The following DCAF1 variants were observed in gnomAD, a reference collection of about 807,000 sequenced individuals.
DCAF1 encodes DDB1- and CUL4-associated factor 1.
DCAF1 carries 15 observed loss-of-function variants against 128.0 expected under a neutral mutation model. The ratio of observed to expected loss-of-function variants is 0.12; its 90% CI spans 0.08 to 0.18. The LOEUF is 0.18. Among genes scored for constraint, DCAF1 ranks in the 10% least tolerant of loss-of-function variants. The pLI, the probability that DCAF1 is intolerant of heterozygous loss-of-function variation, is 1.00. For synonymous variants in DCAF1, 610 were observed against 603.0 expected (o/e 1.01, Z -0.17); for missense variants, 988 against 1,649.5 (o/e 0.60, Z 6.95).
chr3:51,414,279 T>C (rs1274682709), intron 19 of DCAF1, among the ~76,000 whole-genome samples: 4 of 152,244 alleles, frequency 2.6e-5, no homozygotes, highest in East Asian at 1.9e-4. Flanking sequence ...CTCCCAACAG[T>C]AGTACTTCAT....
rs947334516 is a variant in DCAF1 at position 51,452,494 on chromosome 3, C to A, written c.376-8591G>T. 2.0e-4 allele frequency among the ~76,000 whole-genome samples: 30 copies of A among 152,126 alleles called. 1 individual carries two copies. The highest frequency in any genetic ancestry group is 5.9e-5 in the Non-Finnish European group (4 of 68,016). The stretch of plus-strand genomic sequence containing the variant: ...CACTGGATTCAAGACAATTTCCAAT[C>A]TAATGCACAATGGAATAAGTCACTT... On this transcript the variant is annotated intron_variant, in intron 6 of 24. Transcript: ENST00000684031.
chr3:51,437,493 G>A (rs1032784953), intron 9 of DCAF1: 12 of 409,616 alleles, frequency 2.9e-5, no homozygotes, highest in African/African-American at 4.2e-5. Context: ...ACTGAGAGAT[G>A]AGGTCATTAA....
chr3:51,464,293 C>T (rs1703912378), intron 5 of DCAF1, among the ~76,000 whole-genome samples: 1 of 151,612 alleles, frequency 6.6e-6, no homozygotes, highest in Non-Finnish European at 1.5e-5. Context: ...TAATAAAAGT[C>T]TCCATTTGGC....
intron 9 of DCAF1, chr3:51,437,488 G>C: frequency 2.4e-6 from 1 of 423,606 alleles, no homozygotes; most frequent in South Asian, 1.7e-5. Flanking sequence ...TAACTACTGA[G>C]AGATGAGGTC....
intron 1 of DCAF1, among the ~76,000 whole-genome samples, chr3:51,497,543 C>G (rs1472102233): frequency 2.0e-5 from 3 of 151,778 alleles, no homozygotes; most frequent in African/African-American, 7.3e-5. Flanking sequence ...GCCGAGATTG[C>G]ACCACTGCAC....
chr3:51,458,166 C>A (rs1393144569), intron 6 of DCAF1, among the ~76,000 whole-genome samples: 2 of 152,106 alleles, frequency 1.3e-5, no homozygotes, highest in African/African-American at 4.8e-5. Flanking sequence ...ATTCAGGAAA[C>A]CCATCTCACA....
chr3:51,460,969 C>T (rs1703488396), intron 6 of DCAF1, among the ~76,000 whole-genome samples: 1 of 152,010 alleles, frequency 6.6e-6, no homozygotes, highest in Non-Finnish European at 1.5e-5. Flanking sequence ...TAGAAGAAAA[C>T]CTAGGCAATA....
chr3:51,471,117 G>A, intron 3 of DCAF1, 112 bp from the exon 4 acceptor site: 1 of 560,746 alleles, frequency 1.8e-6, no homozygotes, highest in South Asian at 3.4e-5. Flanking sequence ...GTTAGAAAAA[G>A]ACTATTTCTT....
In DCAF1 at chr3:51,493,648, T is replaced by C. The variant is rs180912678; in HGVS notation, c.-9+3086A>G. On this transcript the variant is annotated intron_variant, in intron 2 of 24. Transcript: ENST00000684031. ...ACATGCTACAGATGTGGAAAAACCTTGAAAACAATAAGAAAGCAGACACAA... is the reference window on the plus strand; with the variant it reads ...ACATGCTACAGATGTGGAAAAACCTCGAAAACAATAAGAAAGCAGACACAA... Among the ~76,000 whole-genome samples, 169 of 152,070 alleles carry C rather than the reference T, an allele frequency of 1.1e-3. 2 individuals are homozygous for C. The highest frequency in any genetic ancestry group is 1.0e-4 in the Non-Finnish European group (7 of 67,988).
intron 2 of DCAF1, among the ~76,000 whole-genome samples, chr3:51,494,201 G>A (rs1289399958): frequency 6.2e-5 from 9 of 144,014 alleles, no homozygotes; most frequent in Non-Finnish European, 7.5e-5. Flanking sequence ...TGCAAGCTCC[G>A]CCTCCCGGGT....
chr3:51,469,976 G>A lies in DCAF1; in HGVS notation c.187+953C>T, dbSNP rs545192474. Among the ~76,000 whole-genome samples, 30 of 152,204 alleles carry A rather than the reference G, an allele frequency of 2.0e-4. No homozygotes were observed. In the South Asian group the frequency reaches 5.6e-3, roughly 28 times the overall value. On this transcript the variant is annotated intron_variant, in intron 4 of 24. Coordinates refer to ENST00000684031, the MANE Select transcript of DCAF1 (RefSeq NM_001387579.1). ...GCAGTGGTTGCAGTGAGCCAAGATC[G>A]TGCCACTGCACTGCCGGCTGGGCGA...
chr3:51,452,066 T>C (rs892764094), intron 6 of DCAF1, among the ~76,000 whole-genome samples: 1 of 152,122 alleles, frequency 6.6e-6, no homozygotes, highest in Non-Finnish European at 1.5e-5. Context: ...CTTTTCTTTT[T>C]TGAGACAGGG....
intron 23 of DCAF1, among the ~76,000 whole-genome samples, chr3:51,410,189 T>A (rs572899273): frequency 1.1e-3 from 167 of 152,336 alleles, no homozygotes; most frequent in African/African-American, 4.0e-3. Flanking sequence ...TGAGGAAGGC[T>A]CTGCTCTGAT....
At position 51,451,066 on chromosome 3, in the gene DCAF1, A is replaced by ACTCTTTT. The variant is rs1553641391; in HGVS notation, c.376-7164_376-7163insAAAAGAG. 8.5e-4 allele frequency among the ~76,000 whole-genome samples: 28 copies of ACTCTTTT among 32,828 alleles called. 2 individuals carry two copies. The highest frequency in any genetic ancestry group is 1.6e-3 in the Non-Finnish European group (23 of 14,742). The allele number at this position is 32,828 out of a possible 152,430, so 21.5% of individuals were successfully genotyped here. ...TAGCAATGAACAATATAAAAAGGAAATTCTTTTTTTTTTTTTTTTTTTTTT... is the reference window on the plus strand; with the variant it reads ...TAGCAATGAACAATATAAAAAGGAAACTCTTTTTTCTTTTTTTTTTTTTTTTTTTTTT... On this transcript the variant is annotated intron_variant, in intron 6 of 24. Transcript: ENST00000684031.
chr3:51,481,879 A>G (rs1317513594), intron 3 of DCAF1, among the ~76,000 whole-genome samples: 1 of 151,808 alleles, frequency 6.6e-6, no homozygotes, highest in Admixed American at 6.6e-5. Flanking sequence ...AATCCCAGCT[A>G]CTCAGGAGGC....
intron 3 of DCAF1, among the ~76,000 whole-genome samples, chr3:51,481,408 C>G (rs1398961592): frequency 6.6e-6 from 1 of 152,146 alleles, no homozygotes; most frequent in Non-Finnish European, 1.5e-5. Flanking sequence ...ATACCTAATG[C>G]AGGCCAGGCG....
At chr3:51,457,716 C>G (rs1553643262) in intron 6 of DCAF1, among the ~76,000 whole-genome samples, 1 of 152,220 alleles carries the variant, frequency 6.6e-6, no homozygotes, top group African/African-American at 2.4e-5. Context: ...GCTGATCTCT[C>G]TGCAGAAACT....
intron 24 of DCAF1, among the ~76,000 whole-genome samples, chr3:51,401,459 C>A (rs1455247897): frequency 1.3e-5 from 2 of 152,196 alleles, no homozygotes; most frequent in Admixed American, 1.3e-4. Context: ...CAGATGCCAC[C>A]TCTGCATCTC....
intron 13 of DCAF1, among the ~76,000 whole-genome samples, chr3:51,423,118 C>T (rs1293680638): frequency 2.0e-5 from 3 of 151,958 alleles, no homozygotes; most frequent in Non-Finnish European, 2.9e-5. Flanking sequence ...AGAAAGTAAT[C>T]TGGAAATATG....
Sources: allele counts gnomAD v4.1 joint callset (sites outside exome capture counted in the v4.1 genomes callset), GRCh38; gene constraint gnomAD v4.1.1; transcripts MANE v1.5; gene names NCBI Gene and HGNC (gene_info 2026-07-23, HGNC 2026-07-21).